NFIA: variants seen among roughly 807,000 people sequenced by gnomAD.
The protein encoded by NFIA is nuclear factor I A.
Under a neutral mutation model 62.8 loss-of-function variants are expected in NFIA, and 8 were observed. That is an observed-to-expected ratio of 0.13 (90% CI 0.07 to 0.23). The LOEUF is 0.23. NFIA is among the 10% of genes least tolerant of loss of function. NFIA has a pLI of 1.00. For synonymous variants in NFIA, 235 were observed against 238.1 expected (o/e 0.99, Z 0.12); for missense variants, 410 against 642.1 (o/e 0.64, Z 3.91).
intron 10 of NFIA, among the ~76,000 whole-genome samples, chr1:61,441,333 GTC>G (rs1553122120): frequency 2.5e-4 from 34 of 136,518 alleles, no homozygotes; most frequent in Non-Finnish European, 3.6e-4. Flanking sequence ...GTGTGTGTGT[GTC>G]TGTCTGTCTG....
chr1:61,154,116 C>G (rs998847585), intron 2 of NFIA, among the ~76,000 whole-genome samples: 1 of 152,148 alleles, frequency 6.6e-6, no homozygotes, highest in African/African-American at 2.4e-5. Context: ...TGTAAATTGA[C>G]AATTTAAAAA....
intron 2 of NFIA, among the ~76,000 whole-genome samples, chr1:61,143,171 TAG>T (rs2100509287): frequency 6.6e-6 from 1 of 152,266 alleles, no homozygotes; most frequent in South Asian, 2.1e-4. Context: ...TTTAACCTAT[TAG>T]TCAGCGTGGC....
chr1:61,240,429 G>T (rs993280218), intron 2 of NFIA, among the ~76,000 whole-genome samples: 1 of 151,764 alleles, frequency 6.6e-6, no homozygotes, highest in Non-Finnish European at 1.5e-5. Flanking sequence ...AAATTCTTTA[G>T]GCTTTATCAC....
chr1:61,389,506 CATT>C (rs1664862632), intron 7 of NFIA, among the ~76,000 whole-genome samples: 1 of 152,148 alleles, frequency 6.6e-6, no homozygotes, highest in African/African-American at 2.4e-5. Flanking sequence ...ACATATTCCC[CATT>C]ATTTTTACAG....
intron 2 of NFIA, among the ~76,000 whole-genome samples, chr1:61,184,900 T>G (rs985822212): frequency 6.6e-6 from 1 of 152,212 alleles, no homozygotes; most frequent in Non-Finnish European, 1.5e-5. Flanking sequence ...TTCTATGAAC[T>G]TTTCCCAGAC....
chr1:61,340,031 A>G (rs1447348028), intron 4 of NFIA, among the ~76,000 whole-genome samples: 4 of 152,206 alleles, frequency 2.6e-5, no homozygotes, highest in Non-Finnish European at 5.9e-5. Flanking sequence ...ATGAAGGTCT[A>G]GTCCTTTCTC....
At position 61,406,543 on chromosome 1, in the gene NFIA, G is replaced by GTC. The variant is rs1665830643; in HGVS notation, c.1255-19_1255-18insTC. ...TCTTTTTCTTGTACGTGTGTTTTCTGCCCCCCCCCCCCCCACAGCCCAATG... is the reference window on the plus strand; with the variant it reads ...TCTTTTTCTTGTACGTGTGTTTTCTGTCCCCCCCCCCCCCCCACAGCCCAATG... On this transcript the variant is annotated intron_variant, in intron 8 of 10. Transcript: ENST00000403491. The GTC allele has an allele frequency of 1.5e-5, 13 of 877,364 alleles. No homozygotes were observed. The highest frequency in any genetic ancestry group is 1.0e-4 in the South Asian group (5 of 49,228). 54.3% of individuals were successfully genotyped at this position (877,364 alleles called of 1,614,324 possible).
intron 2 of NFIA, among the ~76,000 whole-genome samples, chr1:61,264,577 G>A (rs1366087577): frequency 7.0e-6 from 1 of 143,660 alleles, no homozygotes; most frequent in African/African-American, 2.6e-5. Flanking sequence ...CCAGAACCCG[G>A]AAGGCGAAGG....
intron 4 of NFIA, among the ~76,000 whole-genome samples, chr1:61,339,020 C>T (rs1230760032): frequency 1.3e-5 from 2 of 152,154 alleles, no homozygotes; most frequent in African/African-American, 2.4e-5. Context: ...GATTGCAGCC[C>T]TAGCATGAAC....
chr1:61,184,341 C>T (rs1188633640), intron 2 of NFIA, among the ~76,000 whole-genome samples: 1 of 152,214 alleles, frequency 6.6e-6, no homozygotes, highest in Non-Finnish European at 1.5e-5. Flanking sequence ...CGTGACATGC[C>T]ACGAGGGCAC....
intron 2 of NFIA, among the ~76,000 whole-genome samples, chr1:61,148,527 C>T (rs1452746499): frequency 2.6e-5 from 4 of 152,152 alleles, no homozygotes; most frequent in Non-Finnish European, 5.9e-5. Context: ...GATAACATAT[C>T]TCTTTGGGTA....
Position 61,082,671 on chromosome 1 carries a change from C to T in NFIA, c.-121C>T. 2.6e-6 allele frequency: 4 copies of T among 1,515,902 alleles called. No individual in the cohort carries two copies. The highest frequency in any genetic ancestry group is 1.4e-5 in the African/African-American group (1 of 70,068). 93.9% of individuals were successfully genotyped at this position (1,515,902 alleles called of 1,614,324 possible). On this transcript the variant is annotated 5_prime_UTR_variant, in exon 1 of 11. Transcript: ENST00000403491. ...CAGGCTTGATTTTTTTTTCTCCCCC[C>T]TTCTCTCTCTCTCTCTCTCTCTCTC...
rs549740316 is a variant in NFIA at position 61,338,968 on chromosome 1, C to T, written c.700+6382C>T. ...TCTTTCAAAAGAAACCATTTGGGCT[C>T]GAGCATTAAAGGAAGAAACAAAAAG... On this transcript the variant is annotated intron_variant, in intron 4 of 10. Transcript: ENST00000403491. Among the ~76,000 whole-genome samples the T allele has an allele frequency of 2.0e-5, 3 of 152,086 alleles. No individual in the cohort carries two copies. The South Asian group carries it at 6.3e-4, about 32-fold the overall frequency.
chr1:61,163,606 A>G (rs576759386), intron 2 of NFIA, among the ~76,000 whole-genome samples: 3 of 152,230 alleles, frequency 2.0e-5, no homozygotes, highest in South Asian at 2.1e-4. Flanking sequence ...GTGGTGTGCT[A>G]TGGAAGCGAA....
At position 61,101,374 on chromosome 1, in the gene NFIA, A is replaced by G. The variant is rs550911654; in HGVS notation, c.559+12694A>G. Among the ~76,000 whole-genome samples, 6 of 151,574 alleles carry G rather than the reference A, an allele frequency of 4.0e-5. No homozygotes were observed. The South Asian group carries it at 1.3e-3, about 32-fold the overall frequency. ...CGCGCCATTGCACTCCAGCCTGGGC[A>G]ACAAGAGTGAAACTCCATCTCAAAA... On this transcript the variant is annotated intron_variant, in intron 2 of 10. Transcript: ENST00000403491.
At chr1:61,393,799 C>T (rs1665132727) in intron 7 of NFIA, among the ~76,000 whole-genome samples, 1 of 152,178 alleles carries the variant, frequency 6.6e-6, no homozygotes, top group Non-Finnish European at 1.5e-5. Flanking sequence ...GGCCTGAGCA[C>T]TGGCCAATGG....
intron 2 of NFIA, among the ~76,000 whole-genome samples, chr1:61,187,514 C>T (rs1453420959): frequency 6.6e-6 from 1 of 152,118 alleles, no homozygotes; most frequent in African/African-American, 2.4e-5. Flanking sequence ...GTGGTGGTGG[C>T]ATGGAGATGC....
intron 9 of NFIA, among the ~76,000 whole-genome samples, chr1:61,425,040 T>G (rs1274053101): frequency 1.3e-5 from 2 of 152,204 alleles, no homozygotes; most frequent in Non-Finnish European, 2.9e-5. Context: ...GAATAGATCC[T>G]CCTAAAACAA....
At chr1:61,085,471 A>G (rs993007589) in intron 1 of NFIA, among the ~76,000 whole-genome samples, 1 of 152,140 alleles carries the variant, frequency 6.6e-6, no homozygotes, top group Non-Finnish European at 1.5e-5. Context: ...CTCACTGAGT[A>G]CATATGTAAA....
Sources: allele counts gnomAD v4.1 joint callset (sites outside exome capture counted in the v4.1 genomes callset), GRCh38; gene constraint gnomAD v4.1.1; transcripts MANE v1.5; gene names NCBI Gene and HGNC (gene_info 2026-07-23, HGNC 2026-07-21).